The following SLC9A9 variants were observed in gnomAD, a reference collection of about 807,000 sequenced individuals.
The protein encoded by SLC9A9 is sodium/hydrogen exchanger 9.
In SLC9A9, 62 loss-of-function variants were observed where a neutral mutation model predicts 77.8. That is an observed-to-expected ratio of 0.80 (90% CI 0.65 to 0.98). The LOEUF is 0.98. Ranked by LOEUF, SLC9A9 falls within the 50% of genes least tolerant of loss-of-function variation. The probability of loss-of-function intolerance (pLI) is 0.00; values close to 1 mark genes in which losing one functional copy is unlikely to be tolerated. For synonymous variants in SLC9A9, 320 were observed against 283.5 expected (o/e 1.13, Z -1.29); for missense variants, 775 against 774.9 (o/e 1.00, Z 0.00).
intron 2 of SLC9A9, among the ~76,000 whole-genome samples, chr3:143,810,366 A>G (rs1041109528): frequency 3.9e-5 from 6 of 152,252 alleles, no homozygotes; most frequent in Non-Finnish European, 8.8e-5. Context: ...GAACTACTAA[A>G]TAAATAATCA....
At chr3:143,538,317 A>G (rs1273650109) in intron 9 of SLC9A9, among the ~76,000 whole-genome samples, 2 of 152,194 alleles carry the variant, frequency 1.3e-5, no homozygotes, top group African/African-American at 4.8e-5. Context: ...TCAACTTGGT[A>G]CTATAAGAGC....
chr3:143,625,554 C>T (rs1490902534), intron 6 of SLC9A9, among the ~76,000 whole-genome samples: 2 of 152,168 alleles, frequency 1.3e-5, no homozygotes, highest in East Asian at 1.9e-4. Flanking sequence ...GGAAAACTGG[C>T]TAGCCATATG....
intron 6 of SLC9A9, among the ~76,000 whole-genome samples, chr3:143,581,914 G>A (rs147230745): frequency 1.7e-3 from 259 of 152,316 alleles, no homozygotes; most frequent in African/African-American, 6.1e-3. Flanking sequence ...TGGCTTTTCT[G>A]AGGCTGGACT....
At chr3:143,688,342 C>G (rs569066408) in intron 5 of SLC9A9, among the ~76,000 whole-genome samples, 16 of 152,124 alleles carry the variant, frequency 1.1e-4, no homozygotes, top group African/African-American at 3.6e-4. Flanking sequence ...CAGCACTTGA[C>G]TACAACTCAG....
At chr3:143,523,448 C>G (rs944011640) in intron 9 of SLC9A9, among the ~76,000 whole-genome samples, 1 of 152,018 alleles carries the variant, frequency 6.6e-6, no homozygotes, top group Non-Finnish European at 1.5e-5. Flanking sequence ...AAACTCCAAG[C>G]TAATCATAGT....
chr3:143,757,123 A>G (rs926079763), intron 4 of SLC9A9, among the ~76,000 whole-genome samples: 6 of 152,146 alleles, frequency 3.9e-5, no homozygotes, highest in African/African-American at 1.4e-4. Flanking sequence ...CTTGTAAACT[A>G]TGGTAGAGAT....
chr3:143,695,093 A>G (rs1400506544), intron 4 of SLC9A9, among the ~76,000 whole-genome samples: 2 of 152,304 alleles, frequency 1.3e-5, no homozygotes, highest in African/African-American at 4.8e-5. Context: ...TCCAGAGGAC[A>G]GCACACTGCC....
At chr3:143,625,625 T>A (rs992663670) in intron 6 of SLC9A9, among the ~76,000 whole-genome samples, 19 of 152,170 alleles carry the variant, frequency 1.2e-4, no homozygotes, top group Non-Finnish European at 2.9e-5. Context: ...CAAGATGGAT[T>A]AAAGACTTAA....
chr3:143,799,128 T>C (rs2008475068), intron 2 of SLC9A9, among the ~76,000 whole-genome samples: 1 of 152,168 alleles, frequency 6.6e-6, no homozygotes, highest in South Asian at 2.1e-4. Context: ...AATGCTCCTT[T>C]TTCTTTATCC....
intron 4 of SLC9A9, among the ~76,000 whole-genome samples, chr3:143,717,063 C>T (rs1934375435): frequency 6.6e-6 from 1 of 152,120 alleles, no homozygotes; most frequent in Non-Finnish European, 1.5e-5. Context: ...CTGAGAGCCT[C>T]CCAGGGTGGG....
chr3:143,625,399 A>C (rs1381027387), intron 6 of SLC9A9, among the ~76,000 whole-genome samples: 2 of 152,212 alleles, frequency 1.3e-5, no homozygotes, highest in Admixed American at 1.3e-4. Flanking sequence ...ACAACATGGT[A>C]CTGGTACCAA....
intron 9 of SLC9A9, among the ~76,000 whole-genome samples, chr3:143,508,021 G>A (rs759096367): frequency 1.2e-4 from 18 of 152,284 alleles, no homozygotes; most frequent in Non-Finnish European, 2.2e-4. Flanking sequence ...TGGGGGTTAG[G>A]TTTCAACATG....
At chr3:143,390,550 G>A (rs529968818) in intron 12 of SLC9A9, among the ~76,000 whole-genome samples, 45 of 152,342 alleles carry the variant, frequency 3.0e-4, no homozygotes, top group South Asian at 1.2e-3. Flanking sequence ...TGATTTCTGC[G>A]TTTCCAACTG....
At chr3:143,688,708 C>A (rs1250454527) in intron 5 of SLC9A9, among the ~76,000 whole-genome samples, 4 of 150,384 alleles carry the variant, frequency 2.7e-5, no homozygotes, top group African/African-American at 9.8e-5. Flanking sequence ...CACTCTGGGG[C>A]TCTGATCTTC....
chr3:143,508,029 A>G (rs1324736181), intron 9 of SLC9A9, among the ~76,000 whole-genome samples: 7 of 152,224 alleles, frequency 4.6e-5, no homozygotes, highest in African/African-American at 1.7e-4. Flanking sequence ...AGGTTTCAAC[A>G]TGGGGGATAC....
At chr3:143,580,196 C>T (rs1445986246) in intron 6 of SLC9A9, among the ~76,000 whole-genome samples, 1 of 152,116 alleles carries the variant, frequency 6.6e-6, no homozygotes, top group East Asian at 1.9e-4. Flanking sequence ...ACCTGGTGCC[C>T]AAGGCTGTGA....
chr3:143,791,347 T>C (rs1226730819), intron 4 of SLC9A9, among the ~76,000 whole-genome samples: 1 of 152,222 alleles, frequency 6.6e-6, no homozygotes, highest in Non-Finnish European at 1.5e-5. Flanking sequence ...AAAGACCTTG[T>C]TCATGCAAAT....
chr3:143,398,112 C>A (rs2033771132), intron 12 of SLC9A9, among the ~76,000 whole-genome samples: 1 of 152,134 alleles, frequency 6.6e-6, no homozygotes, highest in South Asian at 2.1e-4. Flanking sequence ...CCCGCCACCA[C>A]CTTACCACCA....
chr3:143,571,659 A>G (rs1285590918), intron 8 of SLC9A9, among the ~76,000 whole-genome samples: 1 of 152,130 alleles, frequency 6.6e-6, no homozygotes, highest in Non-Finnish European at 1.5e-5. Context: ...TTATTCCTGT[A>G]TAACTCATCA....
Sources: allele counts gnomAD v4.1 joint callset (sites outside exome capture counted in the v4.1 genomes callset), GRCh38; gene constraint gnomAD v4.1.1; transcripts MANE v1.5; gene names NCBI Gene and HGNC (gene_info 2026-07-23, HGNC 2026-07-21).